Variants in PRKDC observed in about 807,000 individuals in gnomAD.
PRKDC encodes DNA-dependent protein kinase catalytic subunit.
PRKDC carries 82 observed loss-of-function variants against 486.9 expected under a neutral mutation model. The ratio of observed to expected loss-of-function variants is 0.17; its 90% CI spans 0.14 to 0.20. The LOEUF is 0.20. PRKDC is among the 10% of genes least tolerant of loss of function. The probability of loss-of-function intolerance (pLI) is 1.00; values close to 1 mark genes in which losing one functional copy is unlikely to be tolerated. For synonymous variants in PRKDC, 1,895 were observed against 1,837.0 expected, an observed-to-expected ratio of 1.03 and a Z score of -0.81; for missense variants, 4,504 against 5,038.2, an observed-to-expected ratio of 0.89 and a Z score of 3.21.
In PRKDC at chr8:47,904,926, G is replaced by T. The variant is rs375302793; in HGVS notation, c.2985C>A (p.Phe995Leu). The T allele has an allele frequency of 1.1e-4, 170 of 1,613,554 alleles. No homozygotes were observed. Among genetic ancestry groups the T allele is most frequent in the Non-Finnish European group, 1.3e-4 (159 of 1,179,724 alleles). Residue 995 changes from phenylalanine (F) to leucine (L), a missense_variant, in exon 26 of 86, where the codon TTC becomes TTA. Physicochemically the swap from Phe to Leu is conservative, Grantham distance 22. Transcript: ENST00000314191. Reference protein sequence around the residue: ...EPLVMQLIHWFTNNKKFESQD... With the variant: ...EPLVMQLIHWLTNNKKFESQD... ...GACTTTCAAATTTCTTGTTGTTAGT[G>T]AACCAGTGAATCAGCTGCATAACTA...
rs562591745 is a variant in PRKDC at position 47,858,903 on chromosome 8, C to T, written c.6291G>A (p.Leu2097=). The T allele has an allele frequency of 1.8e-4, 287 of 1,613,866 alleles. 3 individuals carry two copies. In the South Asian group the frequency reaches 3.0e-3, roughly 17 times the overall value. Residue 2097 remains leucine (L), a synonymous_variant, in exon 47 of 86, where the codon CTG becomes CTA. Transcript: ENST00000314191. The part of the protein sequence containing the change: ...ELNRHECMAP[L]TALVKHMHRS... ...TGTGCATGTGCTTGACCAGGGCCGTCAGGGGCGCCATGCACTCATGCCGAT... is the reference window on the plus strand; with the variant it reads ...TGTGCATGTGCTTGACCAGGGCCGTTAGGGGCGCCATGCACTCATGCCGAT...
At chr8:47,896,474 C>T (rs529657513) in intron 30 of PRKDC, among the ~76,000 whole-genome samples, 4 of 152,094 alleles carry the variant, frequency 2.6e-5, no homozygotes, top group East Asian at 3.9e-4. Flanking sequence ...GGTGAAACCC[C>T]GTCTCTACTA....
Position 47,880,344 on chromosome 8 carries a change from G to A in PRKDC, c.5068-686C>T. ...AAGGAGGAGTTTACAACTACACATT[G>A]CAGAACTACAGAAGAACTTCATACT... On this transcript the variant is annotated intron_variant, in intron 38 of 85. Coordinates refer to ENST00000314191, the MANE Select transcript of PRKDC (RefSeq NM_006904.7). Among the ~76,000 whole-genome samples, 2 of 152,198 alleles carry A rather than the reference G, an allele frequency of 1.3e-5. 1 individual carries two copies. The highest frequency in any genetic ancestry group is 2.9e-5 in the Non-Finnish European group (2 of 68,034).
chr8:47,790,832 A>G (rs1220747115), intron 74 of PRKDC, among the ~76,000 whole-genome samples: 1 of 152,210 alleles, frequency 6.6e-6, no homozygotes. Flanking sequence ...TCTCCAATAA[A>G]TGGTCCTGGG....
At chr8:47,892,999 CA>C (rs1253734556) in intron 31 of PRKDC, 139 bp downstream of exon 31, 1 of 947,204 alleles carries the variant, frequency 1.1e-6, no homozygotes, top group Non-Finnish European at 1.4e-6. Context: ...GGAACCCTTG[CA>C]GAGAAGTGAC....
At chr8:47,952,304 G>A (rs1204654793) in intron 7 of PRKDC, among the ~76,000 whole-genome samples, 1 of 152,166 alleles carries the variant, frequency 6.6e-6, no homozygotes, top group African/African-American at 2.4e-5. Flanking sequence ...AGACAATGCT[G>A]ACATATCAGG....
chr8:47,840,785 G>A (rs562694490), intron 54 of PRKDC, among the ~76,000 whole-genome samples: 2 of 152,212 alleles, frequency 1.3e-5, no homozygotes, highest in South Asian at 4.1e-4. Flanking sequence ...CTCAGTGAAT[G>A]TAAGGATATT....
intron 35 of PRKDC, among the ~76,000 whole-genome samples, chr8:47,887,286 A>G (rs2089356879): frequency 6.6e-6 from 1 of 152,242 alleles, no homozygotes; most frequent in African/African-American, 2.4e-5. Flanking sequence ...CATAGTCACA[A>G]AACGTTCTCT....
chr8:47,937,222 C>G (rs1027791827), intron 11 of PRKDC, among the ~76,000 whole-genome samples: 1 of 152,074 alleles, frequency 6.6e-6, no homozygotes, highest in East Asian at 1.9e-4. Flanking sequence ...GATCGCGCCA[C>G]TGCACTCCAG....
intron 23 of PRKDC, among the ~76,000 whole-genome samples, chr8:47,914,519 G>C (rs1319694782): frequency 2.0e-5 from 3 of 152,208 alleles, no homozygotes; most frequent in African/African-American, 4.8e-5. Flanking sequence ...GCCAGGCACA[G>C]TGGGGCATGG....
intron 52 of PRKDC, among the ~76,000 whole-genome samples, chr8:47,852,177 A>G (rs1341939650): frequency 6.6e-6 from 1 of 152,216 alleles, no homozygotes; most frequent in African/African-American, 2.4e-5. Context: ...TTATCTGAAC[A>G]GCGCACTGCA....
intron 83 of PRKDC, 57 bp from the exon 84 acceptor site, chr8:47,777,931 G>A (rs181630243): frequency 1.8e-4 from 261 of 1,491,188 alleles, no homozygotes; most frequent in East Asian, 6.1e-4. Flanking sequence ...TCAAAGTACC[G>A]AGCACAAATG....
intron 68 of PRKDC, among the ~76,000 whole-genome samples, chr8:47,815,278 C>T (rs534082232): frequency 6.6e-5 from 10 of 151,992 alleles, no homozygotes; most frequent in African/African-American, 2.4e-4. Context: ...AGAAATAGAC[C>T]CACACATATG....
At chr8:47,820,427 A>G (rs1453892421) in intron 66 of PRKDC, among the ~76,000 whole-genome samples, 1 of 152,080 alleles carries the variant, frequency 6.6e-6, no homozygotes, top group African/African-American at 2.4e-5. Flanking sequence ...AGTGTTCTTT[A>G]AGAGTATGAG....
In PRKDC at chr8:47,858,502, A is replaced by C; in HGVS notation, c.6465+14T>G. The C allele has an allele frequency of 2.1e-6, 3 of 1,460,122 alleles. No homozygotes were observed. The South Asian group carries it at 3.9e-5, about 19-fold the overall frequency. 90.4% of individuals were successfully genotyped at this position (1,460,122 alleles called of 1,614,324 possible). A position where few individuals can be genotyped will look rare whatever the true frequency, so the allele number is the denominator to read the frequency against. On this transcript the variant is annotated intron_variant, in intron 48 of 85. Transcript: ENST00000314191. ...GAATCTATTCAAAGAATAAAGAAAT[A>C]ATCAATTACTTACCTCTTCTGTATT...
intron 70 of PRKDC, among the ~76,000 whole-genome samples, chr8:47,801,466 C>T (rs879600853): frequency 2.0e-5 from 3 of 152,170 alleles, no homozygotes; most frequent in Non-Finnish European, 2.9e-5. Context: ...CTTGAACTCA[C>T]ATATTAATGA....
At chr8:47,958,707 A>C (rs1470448014) in intron 1 of PRKDC, among the ~76,000 whole-genome samples, 3 of 151,782 alleles carry the variant, frequency 2.0e-5, no homozygotes, top group African/African-American at 7.3e-5. Context: ...CAACAGATAG[A>C]GTACATATAG....
intron 16 of PRKDC, among the ~76,000 whole-genome samples, chr8:47,931,009 G>A (rs1231586717): frequency 6.6e-6 from 1 of 152,202 alleles, no homozygotes; most frequent in Non-Finnish European, 1.5e-5. Flanking sequence ...ATGAGAGAAT[G>A]GGACAAATAG....
At chr8:47,889,665 T>C (rs959090687) in intron 32 of PRKDC, among the ~76,000 whole-genome samples, 9 of 152,240 alleles carry the variant, frequency 5.9e-5, no homozygotes. Flanking sequence ...TTTGCGAGTG[T>C]GTGTTTCCTA....
Sources: allele counts gnomAD v4.1 joint callset (sites outside exome capture counted in the v4.1 genomes callset), GRCh38; gene constraint gnomAD v4.1.1; transcripts MANE v1.5; gene names NCBI Gene and HGNC (gene_info 2026-07-23, HGNC 2026-07-21).